Variants in VEGFD observed in about 807,000 individuals in gnomAD.
VEGFD encodes the protein vascular endothelial growth factor D, also known as c-fos induced growth factor (vascular endothelial growth factor D).
In VEGFD, 26 loss-of-function variants were observed where a neutral mutation model predicts 28.0. The ratio of observed to expected loss-of-function variants is 0.93; its 90% confidence interval spans 0.68 to 1.29. The LOEUF (loss-of-function observed/expected upper bound fraction) is 1.29, where lower values mean the gene tolerates loss of function less well. Among genes scored for constraint, VEGFD ranks in the 50% most tolerant of loss-of-function variants. The pLI is 0.00. For synonymous variants in VEGFD, 93 were observed against 95.5 expected (o/e 0.97, Z 0.15); for missense variants, 294 against 273.4 (o/e 1.08, Z -0.53).
At chrX:15,357,460 C>G (rs1358617606) in intron 3 of VEGFD, among the ~76,000 whole-genome samples, 1 of 111,445 alleles carries the variant, frequency 9.0e-6, no homozygotes, top group Non-Finnish European at 1.9e-5. Flanking sequence ...CGCTTTCCCT[C>G]TGGGTTCCCA....
intron 2 of VEGFD, 46 bp from the exon 3 acceptor site, chrX:15,358,239 C>A: frequency 9.3e-7 from 1 of 1,076,000 alleles, no homozygotes; most frequent in East Asian, 3.0e-5. Context: ...GTGGAATGGT[C>A]CTGGTGTGCC....
At chrX:15,362,525 T>G (rs1288463485) in intron 2 of VEGFD, among the ~76,000 whole-genome samples, 1 of 111,055 alleles carries the variant, frequency 9.0e-6, no homozygotes, top group Non-Finnish European at 1.9e-5. Context: ...CAGCCGATCC[T>G]CCCACCTCAG....
At chrX:15,357,428 C>T (rs1039917181) in intron 3 of VEGFD, among the ~76,000 whole-genome samples, 12 of 111,073 alleles carry the variant, frequency 1.1e-4, no homozygotes, top group Admixed American at 9.6e-5. Flanking sequence ...TTGACAGTGG[C>T]CAGTCCAGAA....
At chrX:15,376,810 G>GC (rs202134836) in intron 1 of VEGFD, among the ~76,000 whole-genome samples, 1,173 of 111,635 alleles carry the variant, frequency 0.011, 12 homozygotes, top group African/African-American at 0.036. Flanking sequence ...TTCTTTTTGT[G>GC]AGTTTCTTAT....
chrX:15,355,899 C>T (rs184128642), intron 3 of VEGFD, among the ~76,000 whole-genome samples: 3 of 111,992 alleles, frequency 2.7e-5, no homozygotes, highest in South Asian at 3.7e-4. Context: ...GAGTCAAGCC[C>T]AGCTGAATCC....
At chrX:15,381,388 G>A (rs1360278245) in intron 1 of VEGFD, among the ~76,000 whole-genome samples, 1 of 111,137 alleles carries the variant, frequency 9.0e-6, no homozygotes, top group Non-Finnish European at 1.9e-5. Context: ...GACAACCTAG[G>A]AGCAAAATTG....
intron 1 of VEGFD, among the ~76,000 whole-genome samples, chrX:15,379,269 G>A (rs944008462): frequency 1.8e-5 from 2 of 111,600 alleles, no homozygotes; most frequent in African/African-American, 6.5e-5. Flanking sequence ...CCAGCCCCTA[G>A]ACTTATTTCC....
At chrX:15,373,450 G>T (rs1257465393) in intron 1 of VEGFD, among the ~76,000 whole-genome samples, 1 of 112,156 alleles carries the variant, frequency 8.9e-6, no homozygotes, top group Admixed American at 9.5e-5. Context: ...ATCCTTCCAA[G>T]GCTTTAAAAA....
chrX:15,373,890 G>A (rs1294521328), intron 1 of VEGFD, among the ~76,000 whole-genome samples: 1 of 111,225 alleles, frequency 9.0e-6, no homozygotes, highest in Non-Finnish European at 1.9e-5. Flanking sequence ...AAGTAGCAAT[G>A]TCTCACTCCA....
At chrX:15,372,478 C>T (rs889559811) in intron 1 of VEGFD, among the ~76,000 whole-genome samples, 22 of 111,261 alleles carry the variant, frequency 2.0e-4, no homozygotes, top group African/African-American at 7.2e-4. Flanking sequence ...AAAATCTTGG[C>T]TTCTTCTTGA....
intron 1 of VEGFD, among the ~76,000 whole-genome samples, chrX:15,365,471 T>C (rs143591073): frequency 4.5e-5 from 5 of 112,171 alleles, no homozygotes; most frequent in Non-Finnish European, 9.4e-5. Flanking sequence ...TGTCAAACTA[T>C]GACCTCCCAG....
At chrX:15,366,622 T>C (rs1602227739) in intron 1 of VEGFD, among the ~76,000 whole-genome samples, 1 of 112,007 alleles carries the variant, frequency 8.9e-6, no homozygotes, top group East Asian at 2.8e-4. Flanking sequence ...GTATTTATGA[T>C]TCAGGGATCA....
In VEGFD at chrX:15,346,242, G is replaced by C. The variant is rs1224177045; in HGVS notation, c.956C>G (p.Pro319Arg). ...ACTTGCACATGGTCTGGTATGAAAG[G>C]GGCATCTGTCCTCACAGCTGTTGCA... ...PDTCSCEDRCPFHTRPCASGK... is the reference protein window; with the variant it reads ...PDTCSCEDRCRFHTRPCASGK... Residue 319 changes from proline (P) to arginine (R), a missense_variant, in exon 7 of 7, where the codon CCC (proline) becomes CGC (arginine). Physicochemically the swap from Pro to Arg is moderately radical, Grantham distance 103 (BLOSUM62 -2). Coordinates refer to ENST00000297904, the MANE Select transcript of VEGFD (RefSeq NM_004469.5). 3 of 1,208,241 alleles carry C rather than the reference G, an allele frequency of 2.5e-6. No individual in the cohort carries two copies. In the African/African-American group the frequency reaches 5.2e-5, roughly 21 times the overall value.
chrX:15,357,805 A>G (rs1247328957), intron 3 of VEGFD, among the ~76,000 whole-genome samples, 198 bp downstream of exon 3: 1 of 112,019 alleles, frequency 8.9e-6, no homozygotes, highest in Non-Finnish European at 1.9e-5. Context: ...GTAAACTTGG[A>G]TAAGTAAGTT....
intron 1 of VEGFD, among the ~76,000 whole-genome samples, chrX:15,380,484 T>C (rs1433276372): frequency 8.9e-6 from 1 of 112,261 alleles, no homozygotes; most frequent in Non-Finnish European, 1.9e-5. Context: ...CCAGTGTAAT[T>C]AAGAAAGAGG....
chrX:15,373,715 A>C (rs1360312837), intron 1 of VEGFD, among the ~76,000 whole-genome samples: 1 of 111,417 alleles, frequency 9.0e-6, no homozygotes, highest in Non-Finnish European at 1.9e-5. Context: ...TTCCCTTTGC[A>C]GTGGGTTTGG....
chrX:15,375,653 ATTAAAC>A (rs1923419402), intron 1 of VEGFD, among the ~76,000 whole-genome samples: 1 of 112,248 alleles, frequency 8.9e-6, no homozygotes, highest in African/African-American at 3.2e-5. Context: ...AAGTTGTTTA[ATTAAAC>A]TTAGACTGAG....
At chrX:15,356,824 G>T (rs1168585801) in intron 3 of VEGFD, among the ~76,000 whole-genome samples, 1 of 111,525 alleles carries the variant, frequency 9.0e-6, no homozygotes, top group African/African-American at 3.3e-5. Context: ...AAAGAATTTA[G>T]AAAAAGAAAC....
intron 3 of VEGFD, among the ~76,000 whole-genome samples, chrX:15,356,511 A>G (rs1474916388): frequency 8.9e-6 from 1 of 112,387 alleles, no homozygotes; most frequent in Non-Finnish European, 1.9e-5. Flanking sequence ...TAAAGTACTC[A>G]ACTATCTATT....
Sources: gnomAD v4.1 joint callset for allele counts (sites outside exome capture counted in the v4.1 genomes callset) on GRCh38, gnomAD v4.1.1 for gene constraint, MANE v1.5 for transcripts, NCBI Gene and HGNC (gene_info 2026-07-23, HGNC 2026-07-21) for gene names.